The following METTL9 variants were observed in gnomAD, a reference collection of about 807,000 sequenced individuals.
METTL9 encodes methyltransferase 9, His-X-His N1(pi)-histidine.
METTL9 carries 10 observed loss-of-function variants against 36.0 expected under a neutral mutation model. The observed-to-expected ratio is 0.28, with a 90% confidence interval of 0.17 to 0.47. The LOEUF (loss-of-function observed/expected upper bound fraction) is 0.47. Among genes scored for constraint, METTL9 ranks in the 20% least tolerant of loss-of-function variants. The probability of loss-of-function intolerance (pLI) is 0.99; values close to 1 mark genes in which losing one functional copy is unlikely to be tolerated. For synonymous variants in METTL9, 175 were observed against 149.7 expected, an observed-to-expected ratio of 1.17 and a Z score of -1.23; for missense variants, 246 against 383.5, an observed-to-expected ratio of 0.64 and a Z score of 3.00.
intron 3 of METTL9, among the ~76,000 whole-genome samples, chr16:21,619,735 T>A (rs533786529): frequency 6.6e-6 from 1 of 152,114 alleles, no homozygotes; most frequent in Non-Finnish European, 1.5e-5. Context: ...TGCACCCGGC[T>A]GGAAGAAGGG....
rs767737906 is a variant in METTL9, at chr16:21,644,346, A to T, written c.752-10881A>T. 1.5e-5 allele frequency: 25 copies of T among 1,614,112 alleles called. 2 individuals are homozygous for T. The South Asian group carries it at 1.9e-4, about 12-fold the overall frequency. On this transcript the variant is annotated intron_variant, in intron 4 of 4. Coordinates refer to ENST00000358154, the MANE Select transcript of METTL9 (RefSeq NM_016025.5). ...CCGGTCACATAGACAGAGAGCAGTG[A>T]TACAAGAGCTGTCAGGAAGCTCCGC...
chr16:21,606,389 A>G (rs1188546269), intron 1 of METTL9, among the ~76,000 whole-genome samples: 2 of 152,054 alleles, frequency 1.3e-5, no homozygotes, highest in African/African-American at 4.8e-5. Context: ...GTTTATTACA[A>G]AGGATACAAT....
chr16:21,599,463 G>T (rs1176993859), upstream of METTL9: 3 of 1,165,704 alleles, frequency 2.6e-6, no homozygotes, highest in South Asian at 6.8e-5. The surrounding 1 kb of genome is among the most constrained non-coding windows in gnomAD (Gnocchi z 4.4). Flanking sequence ...GGCGCCGGGG[G>T]AGAAAGCGAC....
chr16:21,649,320 T>C (rs976186773), intron 4 of METTL9, among the ~76,000 whole-genome samples: 1 of 152,150 alleles, frequency 6.6e-6, no homozygotes, highest in African/African-American at 2.4e-5. Flanking sequence ...TATTTTAGTA[T>C]TTGTGCAACA....
chr16:21,597,808 C>T (rs1016155755), upstream of METTL9, among the ~76,000 whole-genome samples: 1 of 152,126 alleles, frequency 6.6e-6, no homozygotes, highest in African/African-American at 2.4e-5. Flanking sequence ...AGTTATTGGA[C>T]TTGCTACCAT....
intron 3 of METTL9, among the ~76,000 whole-genome samples, chr16:21,621,648 T>C (rs903549966): frequency 1.3e-5 from 2 of 151,962 alleles, no homozygotes; most frequent in Middle Eastern, 3.2e-3. Context: ...ATTTCAAAAA[T>C]AGGTCAATAA....
At chr16:21,600,640 A>G (rs935580400) in intron 1 of METTL9, among the ~76,000 whole-genome samples, 2 of 152,158 alleles carry the variant, frequency 1.3e-5, no homozygotes, top group South Asian at 4.1e-4. Flanking sequence ...TTAGTTATGC[A>G]TCGTGAGCGT....
intron 1 of METTL9, among the ~76,000 whole-genome samples, chr16:21,604,504 CT>C (rs1965220285): frequency 6.6e-6 from 1 of 152,118 alleles, no homozygotes; most frequent in Non-Finnish European, 1.5e-5. Context: ...GCCATTTAAT[CT>C]GTTTTAATTG....
Position 21,612,918 on chromosome 16 carries a change from C to G in METTL9, c.356+83C>G, listed in dbSNP as rs150171681. ...ACACAAAAAGAAAAGTTATCTTGTT[C>G]AGCATGTTGACTACCTGAGCTACAA... On this transcript the variant is annotated intron_variant, in intron 2 of 4. Coordinates refer to ENST00000358154, the MANE Select transcript of METTL9 (RefSeq NM_016025.5). The G allele has an allele frequency of 1.0e-3, 1,279 of 1,251,800 alleles. 23 individuals carry two copies. In the East Asian group the frequency reaches 0.028, roughly 27 times the overall value. 77.5% of individuals were successfully genotyped at this position (1,251,800 alleles called of 1,614,324 possible).
chr16:21,631,671 A>G (rs965241874), intron 4 of METTL9, among the ~76,000 whole-genome samples: 2 of 152,102 alleles, frequency 1.3e-5, no homozygotes, highest in Non-Finnish European at 2.9e-5. Flanking sequence ...GGTGATTAAG[A>G]TTTAGATCCC....
intron 1 of METTL9, among the ~76,000 whole-genome samples, chr16:21,602,270 TG>T (rs1965153606): frequency 6.6e-6 from 1 of 152,202 alleles, no homozygotes. Flanking sequence ...TAAGGAATTA[TG>T]ATGGAGGATT....
intron 4 of METTL9, among the ~76,000 whole-genome samples, chr16:21,631,104 T>C (rs1201069379): frequency 6.6e-6 from 1 of 152,144 alleles, no homozygotes; most frequent in Non-Finnish European, 1.5e-5. Flanking sequence ...TGTTATTTCT[T>C]GCAAACTATC....
At chr16:21,641,623 T>G in intron 4 of METTL9, 1 of 1,443,934 alleles carries the variant, frequency 6.9e-7, no homozygotes. Flanking sequence ...GAAAGCCATG[T>G]TTAAGGTTAT....
intron 4 of METTL9, among the ~76,000 whole-genome samples, chr16:21,632,254 A>T (rs1965981540): frequency 6.6e-6 from 1 of 152,340 alleles, no homozygotes; most frequent in African/African-American, 2.4e-5. Flanking sequence ...ACATAAGCAT[A>T]CTTGCTATCT....
rs541282506 is a variant in METTL9 at position 21,622,141 on chromosome 16, CTTTTTTTTTTT to C, written c.567-2779_567-2769del. Reference sequence around the variant, plus strand: ...ATAGGTGTGAGCCACCATGCCTGGCCTTTTTTTTTTTTTTTTTTTTTGAGACAGGATCTTGC... The same window carrying C: ...ATAGGTGTGAGCCACCATGCCTGGCCTTTTTTTTTTGAGACAGGATCTTGC... On this transcript the variant is annotated intron_variant, in intron 3 of 4. Coordinates refer to ENST00000358154, the MANE Select transcript of METTL9 (RefSeq NM_016025.5). 8.6e-5 allele frequency among the ~76,000 whole-genome samples: 3 copies of C among 34,922 alleles called. 1 individual carries two copies. The highest frequency in any genetic ancestry group is 4.6e-4 in the Admixed American group (1 of 2,174). 22.9% of individuals were successfully genotyped at this position (34,922 alleles called of 152,430 possible).
intron 4 of METTL9, among the ~76,000 whole-genome samples, chr16:21,648,433 C>T (rs865784697): frequency 2.0e-5 from 3 of 152,208 alleles, no homozygotes; most frequent in Middle Eastern, 3.4e-3. Context: ...TACAAGGGAG[C>T]GATTGCTGCT....
At chr16:21,646,098 G>C (rs1966419298) in intron 4 of METTL9, among the ~76,000 whole-genome samples, 1 of 152,008 alleles carries the variant, frequency 6.6e-6, no homozygotes, top group Non-Finnish European at 1.5e-5. Context: ...AAGGCGAGGA[G>C]TTGCTGCTGT....
intron 4 of METTL9, chr16:21,641,734 C>T (rs1966276219): frequency 1.7e-5 from 8 of 474,488 alleles, no homozygotes; most frequent in Admixed American, 4.0e-5. Context: ...GCCAGATTAC[C>T]GTTTTCCCCA....
chr16:21,636,866 G>T (rs941797753), intron 4 of METTL9, among the ~76,000 whole-genome samples: 1 of 152,172 alleles, frequency 6.6e-6, no homozygotes, highest in Non-Finnish European at 1.5e-5. Flanking sequence ...CAAGTGAAAA[G>T]GGTCCGATGG....
Sources: allele counts gnomAD v4.1 joint callset (sites outside exome capture counted in the v4.1 genomes callset), GRCh38; gene constraint gnomAD v4.1.1; non-coding constraint Gnocchi (gnomAD v3.1); transcripts MANE v1.5; gene names NCBI Gene and HGNC (gene_info 2026-07-23, HGNC 2026-07-21).